The following GABRB3 variants were observed in gnomAD, a reference collection of about 807,000 sequenced individuals.
The protein encoded by GABRB3 is gamma-aminobutyric acid type A receptor subunit beta3.
GABRB3 carries 14 observed loss-of-function variants against 52.1 expected under a neutral mutation model. The ratio of observed to expected loss-of-function variants is 0.27; its 90% confidence interval spans 0.18 to 0.42. The LOEUF is 0.42. Ranked by LOEUF, GABRB3 falls within the 10% of genes least tolerant of loss-of-function variation. The pLI is 1.00. For synonymous variants in GABRB3, 260 were observed against 232.3 expected (o/e 1.12, Z -1.08); for missense variants, 307 against 609.1 (o/e 0.50, Z 5.22).
chr15:26,760,449 A>G (rs1161244251), intron 3 of GABRB3, among the ~76,000 whole-genome samples: 2 of 152,148 alleles, frequency 1.3e-5, no homozygotes, highest in Non-Finnish European at 2.9e-5. Context: ...GCAGAGGGTG[A>G]GCTTGAAAGC....
At chr15:26,764,438 C>T (rs926649386) in intron 3 of GABRB3, among the ~76,000 whole-genome samples, 1 of 151,636 alleles carries the variant, frequency 6.6e-6, no homozygotes, top group African/African-American at 2.4e-5. Context: ...CCGCACATGC[C>T]AAAGTTTTTG....
At chr15:26,577,701 A>G (rs887439492) in intron 6 of GABRB3, among the ~76,000 whole-genome samples, 5 of 152,220 alleles carry the variant, frequency 3.3e-5, no homozygotes, top group African/African-American at 1.2e-4. Flanking sequence ...AGGGTCCCAT[A>G]AGATTATAGG....
upstream of GABRB3, chr15:26,773,686 C>G (rs1428405417): frequency 6.3e-7 from 1 of 1,575,924 alleles, no homozygotes; most frequent in East Asian, 2.3e-5. Flanking sequence ...TCCAGGAGAG[C>G]CAGATGGGCA....
At chr15:26,654,177 G>C (rs936511885) in intron 3 of GABRB3, among the ~76,000 whole-genome samples, 4 of 152,148 alleles carry the variant, frequency 2.6e-5, no homozygotes, top group African/African-American at 9.7e-5. Context: ...ATGGAGTCTT[G>C]CTCTGTTGCC....
intron 3 of GABRB3, among the ~76,000 whole-genome samples, chr15:26,694,558 T>C (rs1167461994): frequency 6.6e-6 from 1 of 152,076 alleles, no homozygotes; most frequent in Non-Finnish European, 1.5e-5. Flanking sequence ...AAAGAGTAAA[T>C]ACACTTGAAC....
intron 3 of GABRB3, among the ~76,000 whole-genome samples, chr15:26,700,397 AG>A (rs140410230): frequency 0.023 from 3,463 of 152,290 alleles, 132 homozygotes; most frequent in African/African-American, 0.079. Flanking sequence ...CAAGCATATA[AG>A]GAAGAATTAA....
At position 26,695,350 on chromosome 15, in the gene GABRB3, A is replaced by G. The variant is rs142232341; in HGVS notation, c.241-73816T>C. ...GCTTCCAGAAACCATGAGAACATACAGTAGAGTGAAGAGCTGGAAGAAAGT... is the reference window on the plus strand; with the variant it reads ...GCTTCCAGAAACCATGAGAACATACGGTAGAGTGAAGAGCTGGAAGAAAGT... On this transcript the variant is annotated intron_variant, in intron 3 of 8. Transcript: ENST00000311550. 8.0e-3 allele frequency among the ~76,000 whole-genome samples: 1,213 copies of G among 152,284 alleles called. 41 individuals are homozygous for G. The highest frequency in any genetic ancestry group is 0.054 in the Admixed American group (829 of 15,296).
intron 3 of GABRB3, among the ~76,000 whole-genome samples, chr15:26,719,352 C>T (rs1417760843): frequency 2.0e-5 from 3 of 152,202 alleles, no homozygotes; most frequent in African/African-American, 7.2e-5. Flanking sequence ...GGTTGGCACC[C>T]TCTACAAATG....
At chr15:26,578,843 C>T (rs993046057) in intron 6 of GABRB3, among the ~76,000 whole-genome samples, 2 of 152,146 alleles carry the variant, frequency 1.3e-5, no homozygotes, top group African/African-American at 4.8e-5. Context: ...TCATTTTTTT[C>T]AATGCCTCAC....
chr15:26,711,028 T>C (rs181105201), intron 3 of GABRB3, among the ~76,000 whole-genome samples: 19 of 152,202 alleles, frequency 1.2e-4, no homozygotes, highest in Admixed American at 1.0e-3. Flanking sequence ...AGTCTGAAAA[T>C]ACCTTATAAT....
chr15:26,695,072 A>G (rs74248620), intron 3 of GABRB3, among the ~76,000 whole-genome samples: 20,472 of 152,200 alleles, frequency 0.13, 1,525 homozygotes, highest in Non-Finnish European at 0.17. Context: ...TATAAAAGGT[A>G]TAACAAACGT....
At chr15:26,666,550 G>A (rs913514764) in intron 3 of GABRB3, 2 of 152,188 alleles carry the variant, frequency 1.3e-5, no homozygotes, top group African/African-American at 4.8e-5. Context: ...GATACGAAAT[G>A]GTCTGCAAGC....
upstream of GABRB3, among the ~76,000 whole-genome samples, chr15:26,773,325 G>C (rs1595364457): frequency 6.6e-6 from 1 of 150,470 alleles, no homozygotes; most frequent in South Asian, 2.1e-4. Context: ...CGCGGAGTGC[G>C]GGGGCGACCT....
At chr15:26,743,777 T>C (rs535023613) in intron 3 of GABRB3, among the ~76,000 whole-genome samples, 61 of 152,310 alleles carry the variant, frequency 4.0e-4, no homozygotes, top group Middle Eastern at 6.8e-3. Context: ...CTTGCACCAG[T>C]TGCATTCCTA....
At chr15:26,591,320 C>G in intron 4 of GABRB3, among the ~76,000 whole-genome samples, 1 of 152,318 alleles carries the variant, frequency 6.6e-6, no homozygotes, top group Non-Finnish European at 1.5e-5. Context: ...ACGTAGGGAT[C>G]ACAACCTGAT....
chr15:26,765,335 T>C (rs1020186312), intron 3 of GABRB3, among the ~76,000 whole-genome samples: 1 of 152,116 alleles, frequency 6.6e-6, no homozygotes, highest in African/African-American at 2.4e-5. Flanking sequence ...GCATAAAAGT[T>C]CCCCAGTGAA....
intron 6 of GABRB3, among the ~76,000 whole-genome samples, chr15:26,576,690 T>C (rs542309507): frequency 1.3e-5 from 2 of 152,204 alleles, no homozygotes; most frequent in Admixed American, 6.5e-5. Context: ...CCTGCAGTTT[T>C]CATAAGGGAA....
chr15:26,629,167 A>T, intron 3 of GABRB3: 1 of 1,495,920 alleles, frequency 6.7e-7, no homozygotes, highest in East Asian at 2.5e-5. Flanking sequence ...TGTGGGGAGA[A>T]GCAGCTCCCG....
chr15:26,597,436 G>C (rs1251935672), intron 4 of GABRB3, among the ~76,000 whole-genome samples: 2 of 152,114 alleles, frequency 1.3e-5, no homozygotes, highest in East Asian at 3.9e-4. Context: ...TTACACCTGA[G>C]AAAAGTGTTG....
Sources: gnomAD v4.1 joint callset for allele counts (sites outside exome capture counted in the v4.1 genomes callset) on GRCh38, gnomAD v4.1.1 for gene constraint, MANE v1.5 for transcripts, NCBI Gene and HGNC (gene_info 2026-07-23, HGNC 2026-07-21) for gene names.